Variants in CTNNA3 observed in about 807,000 individuals in gnomAD.
The protein encoded by CTNNA3 is catenin alpha-3.
CTNNA3 carries 76 observed loss-of-function variants against 95.7 expected under a neutral mutation model. The ratio of observed to expected loss-of-function variants is 0.79; its 90% CI spans 0.66 to 0.96. The LOEUF is 0.96. Among genes scored for constraint, CTNNA3 ranks in the 40% least tolerant of loss-of-function variants. The pLI is 0.00. For synonymous variants in CTNNA3, 431 were observed against 374.4 expected (o/e 1.15, Z -1.74); for missense variants, 1,191 against 1,089.8 (o/e 1.09, Z -1.31).
chr10:66,633,455 C>T (rs973425347), intron 9 of CTNNA3, among the ~76,000 whole-genome samples: 3 of 152,072 alleles, frequency 2.0e-5, no homozygotes, highest in South Asian at 2.1e-4. Context: ...CCAAGGCGGG[C>T]AGATCACGAG....
At chr10:66,281,158 T>TA (rs575745715) in intron 12 of CTNNA3, among the ~76,000 whole-genome samples, 34 of 151,786 alleles carry the variant, frequency 2.2e-4, no homozygotes, top group Non-Finnish European at 4.4e-4. Flanking sequence ...TTCTCTATAA[T>TA]AAAAAAAATT....
intron 7 of CTNNA3, among the ~76,000 whole-genome samples, chr10:67,070,760 G>A (rs1419719825): frequency 6.6e-6 from 1 of 151,476 alleles, no homozygotes; most frequent in Non-Finnish European, 1.5e-5. Flanking sequence ...AAAAAAGAAA[G>A]AAAAGAAAAA....
intron 5 of CTNNA3, among the ~76,000 whole-genome samples, chr10:67,235,979 T>A (rs1865434919): frequency 6.8e-6 from 1 of 147,462 alleles, no homozygotes; most frequent in South Asian, 2.2e-4. Flanking sequence ...TCACACCAGT[T>A]AGAATGGCAG....
chr10:66,586,052 A>T (rs887266127), intron 10 of CTNNA3, among the ~76,000 whole-genome samples: 1 of 152,032 alleles, frequency 6.6e-6, no homozygotes, highest in Non-Finnish European at 1.5e-5. Flanking sequence ...GTTATAGAGA[A>T]TCATTGTGAA....
intron 5 of CTNNA3, among the ~76,000 whole-genome samples, chr10:67,248,685 C>T (rs1386024322): frequency 6.6e-6 from 1 of 152,150 alleles, no homozygotes; most frequent in East Asian, 1.9e-4. Context: ...CCTCAGCCTC[C>T]TGAAAGTGCT....
chr10:66,563,316 T>G (rs995338464), intron 10 of CTNNA3, among the ~76,000 whole-genome samples: 3 of 152,112 alleles, frequency 2.0e-5, no homozygotes, highest in African/African-American at 7.2e-5. Context: ...TCCTTTATTT[T>G]GCAAATTACA....
chr10:67,517,781 C>T (rs1839868521), intron 5 of CTNNA3, among the ~76,000 whole-genome samples: 1 of 152,094 alleles, frequency 6.6e-6, no homozygotes, highest in South Asian at 2.1e-4. Flanking sequence ...TCAGCATGTT[C>T]TTTTTGTTAC....
chr10:67,121,052 G>A (rs557872767), intron 7 of CTNNA3, among the ~76,000 whole-genome samples: 1 of 152,120 alleles, frequency 6.6e-6, no homozygotes, highest in South Asian at 2.1e-4. Flanking sequence ...TATTCACTGA[G>A]CAAGATTCCA....
intron 5 of CTNNA3, among the ~76,000 whole-genome samples, chr10:67,298,846 T>C (rs959493048): frequency 2.6e-5 from 4 of 152,152 alleles, no homozygotes; most frequent in African/African-American, 4.8e-5. Flanking sequence ...ACTCTCATGC[T>C]CCATGACCCA....
In CTNNA3 at chr10:67,376,747, A is replaced by G. The variant is rs540145953; in HGVS notation, c.579+145095T>C. ...GACAAACTAAAAAGCTATCAACCAG[A>G]GACTAACATCGTGAAAAATCTTGGA... is the stretch of plus-strand genomic sequence containing the variant. On this transcript the variant is annotated intron_variant, in intron 5 of 17. Transcript: ENST00000433211. Among the ~76,000 whole-genome samples the G allele has an allele frequency of 2.0e-5, 3 of 152,344 alleles. No individual in the cohort carries two copies. In the South Asian group the frequency reaches 6.2e-4, roughly 32 times the overall value.
intron 7 of CTNNA3, among the ~76,000 whole-genome samples, chr10:67,125,518 A>T (rs1353264809): frequency 6.6e-6 from 1 of 152,220 alleles, no homozygotes; most frequent in East Asian, 1.9e-4. Flanking sequence ...TCAAACTTAC[A>T]TCTATGAATA....
intron 1 of CTNNA3, among the ~76,000 whole-genome samples, chr10:67,714,878 T>C (rs1169418576): frequency 1.3e-5 from 2 of 152,218 alleles, no homozygotes; most frequent in Admixed American, 6.5e-5. Flanking sequence ...CCTGCACAAG[T>C]TCTCTTCTCT....
chr10:66,191,716 ATGGCTCATTTTC>A (rs2086676526), intron 13 of CTNNA3, among the ~76,000 whole-genome samples: 1 of 152,036 alleles, frequency 6.6e-6, no homozygotes, highest in African/African-American at 2.4e-5. Context: ...TCATGGATCT[ATGGCTCATTTTC>A]TGGCTATTGA....
At chr10:67,649,126 G>A (rs1303480737) in intron 1 of CTNNA3, among the ~76,000 whole-genome samples, 1 of 152,180 alleles carries the variant, frequency 6.6e-6, no homozygotes, top group Admixed American at 6.5e-5. Flanking sequence ...ACTCCTCTAC[G>A]ACAGGTACTA....
At chr10:67,528,470 T>C (rs1456466292) in intron 4 of CTNNA3, among the ~76,000 whole-genome samples, 1 of 152,106 alleles carries the variant, frequency 6.6e-6, no homozygotes, top group Non-Finnish European at 1.5e-5. Context: ...ACCCTTCATC[T>C]CAGCCATTCA....
At chr10:66,713,247 A>G (rs975936038) in intron 9 of CTNNA3, among the ~76,000 whole-genome samples, 41 of 152,244 alleles carry the variant, frequency 2.7e-4, no homozygotes, top group African/African-American at 9.9e-4. Context: ...CTCTGGCAAT[A>G]TTCAATAGCA....
chr10:66,863,205 A>G (rs990346757), intron 7 of CTNNA3, among the ~76,000 whole-genome samples: 1 of 150,386 alleles, frequency 6.6e-6, no homozygotes, highest in Non-Finnish European at 1.5e-5. Context: ...ACACACACAC[A>G]CACACGCACA....
chr10:66,547,491 C>T (rs957326650), intron 10 of CTNNA3, among the ~76,000 whole-genome samples: 4 of 150,498 alleles, frequency 2.7e-5, no homozygotes, highest in Non-Finnish European at 5.9e-5. Flanking sequence ...TACAGGCGCC[C>T]GCCACCACGC....
At chr10:66,763,339 C>CAG (rs1435579566) in intron 9 of CTNNA3, among the ~76,000 whole-genome samples, 28 of 128,874 alleles carry the variant, frequency 2.2e-4, no homozygotes, top group African/African-American at 6.8e-4. Context: ...CACACACACA[C>CAG]ACAGAGAGAG....
Sources: allele counts gnomAD v4.1 joint callset (sites outside exome capture counted in the v4.1 genomes callset), GRCh38; gene constraint gnomAD v4.1.1; transcripts MANE v1.5; gene names NCBI Gene and HGNC (gene_info 2026-07-23, HGNC 2026-07-21).